The following PLXND1 variants were observed in gnomAD, a reference collection of about 807,000 sequenced individuals.
PLXND1 encodes plexin-D1.
PLXND1 carries 54 observed loss-of-function variants against 197.7 expected under a neutral mutation model. The ratio of observed to expected loss-of-function variants is 0.27; its 90% CI spans 0.22 to 0.34. The LOEUF (loss-of-function observed/expected upper bound fraction) is 0.34, where lower values mean the gene tolerates loss of function less well. Ranked by LOEUF, PLXND1 falls within the 10% of genes least tolerant of loss-of-function variation. The probability of loss-of-function intolerance (pLI) is 1.00; values close to 1 mark genes in which losing one functional copy is unlikely to be tolerated. For missense variants in PLXND1, 2,127 were observed against 2,699.2 expected, an observed-to-expected ratio of 0.79 and a Z score of 4.70; for synonymous variants, 1,180 against 1,161.2, an observed-to-expected ratio of 1.02 and a Z score of -0.33.
At chr3:129,564,158 C>A (rs1402566679) in intron 25 of PLXND1, among the ~76,000 whole-genome samples, 3 of 152,232 alleles carry the variant, frequency 2.0e-5, no homozygotes, top group Non-Finnish European at 4.4e-5. Context: ...TGGCCCCTCC[C>A]AGGCCCTGCC....
intron 24 of PLXND1, among the ~76,000 whole-genome samples, 171 bp from the exon 25 acceptor site, chr3:129,565,709 T>C (rs1322478933): frequency 2.0e-5 from 3 of 152,168 alleles, no homozygotes; most frequent in Admixed American, 2.0e-4. Context: ...AGCCACCTTC[T>C]TCTACGTCCA....
chr3:129,589,331 A>G lies in PLXND1; in HGVS notation c.1488+20T>C. 1 of 489,474 alleles carries G rather than the reference A, an allele frequency of 2.0e-6. No individual in the cohort carries two copies. Among genetic ancestry groups the G allele is most frequent in the Non-Finnish European group, 3.3e-6 (1 of 306,482 alleles). The allele number at this position is 489,474 out of a possible 1,614,324, so 30.3% of individuals were successfully genotyped here. On this transcript the variant is annotated intron_variant, in intron 2 of 35. Transcript: ENST00000324093. ...AGCCTCCCACCCCCACCCCCTCCCC[A>G]CATCCCCAACCATACCTACCTTGAG...
At chr3:129,586,933 C>T (rs1172499653) in intron 2 of PLXND1, among the ~76,000 whole-genome samples, 1 of 152,216 alleles carries the variant, frequency 6.6e-6, no homozygotes, top group African/African-American at 2.4e-5. Flanking sequence ...TCCTTCTGGG[C>T]TCGTCTCCAA....
rs1247853284 is a variant in PLXND1, at chr3:129,565,361, G to A, written c.4500C>T (p.Ile1500=). The change falls in exon 25 of 36, where the codon ATC becomes ATT. Residue 1500 remains isoleucine (I), a synonymous_variant. Coordinates refer to ENST00000324093, the MANE Select transcript of PLXND1 (RefSeq NM_015103.3). ...VEKMLTNWMS[I]CMYSCLRETV... ...TCACCCGCAGACAGCTGTACATGCA[G>A]ATGGACATCCAGTTGGTGAGCATCT... 2 of 1,613,960 alleles carry A rather than the reference G, an allele frequency of 1.2e-6. No homozygotes were observed. Among genetic ancestry groups the A allele is most frequent in the South Asian group, 1.1e-5 (1 of 91,086 alleles).
chr3:129,599,251 C>T (rs188088992), intron 1 of PLXND1, among the ~76,000 whole-genome samples: 3 of 152,348 alleles, frequency 2.0e-5, no homozygotes, highest in Admixed American at 6.5e-5. Flanking sequence ...TTGCAGAGGG[C>T]GTTTCTGCCG....
At position 129,561,796 on chromosome 3, in the gene PLXND1, G is replaced by T. The variant is rs1426533055; in HGVS notation, c.4929+4C>A. The T allele has an allele frequency of 6.2e-7, 1 of 1,607,420 alleles. No homozygotes were observed. Among genetic ancestry groups the T allele is most frequent in the East Asian group, 2.2e-5 (1 of 44,848 alleles). On this transcript the variant is annotated splice_donor_region_variant and intron_variant, in intron 28 of 35. Coordinates refer to ENST00000324093, the MANE Select transcript of PLXND1 (RefSeq NM_015103.3). ...GGAAATGGGGGCGGGGGGCAGGGCT[G>T]CACCTTGTAATGGGCCAGCGTGTTA...
chr3:129,588,193 G>A (rs753262518), intron 2 of PLXND1, among the ~76,000 whole-genome samples: 7 of 152,234 alleles, frequency 4.6e-5, no homozygotes, highest in South Asian at 2.1e-4. Context: ...CCTGCTGTGC[G>A]ACTCTGGGGC....
intron 8 of PLXND1, among the ~76,000 whole-genome samples, chr3:129,581,815 C>A (rs1209406944): frequency 3.9e-5 from 6 of 152,226 alleles, no homozygotes; most frequent in Non-Finnish European, 8.8e-5. Flanking sequence ...TCAATAAATG[C>A]TGAACGGACT....
At chr3:129,576,608 C>T (rs989054550) in intron 9 of PLXND1, among the ~76,000 whole-genome samples, 1 of 152,200 alleles carries the variant, frequency 6.6e-6, no homozygotes, top group Non-Finnish European at 1.5e-5. Context: ...CCCCCAAGGG[C>T]AGCAGAAAGC....
At chr3:129,601,845 C>T (rs1326517222) in intron 1 of PLXND1, among the ~76,000 whole-genome samples, 2 of 152,228 alleles carry the variant, frequency 1.3e-5, no homozygotes, top group African/African-American at 4.8e-5. Context: ...CTCAGCACTG[C>T]TGCAGACCAG....
chr3:129,586,546 G>A (rs370729003), intron 3 of PLXND1, 42 bp downstream of exon 3: 53 of 1,554,734 alleles, frequency 3.4e-5, no homozygotes, highest in African/African-American at 1.1e-4. Context: ...AAGAGGGCTC[G>A]GCTGGTGCTG....
At chr3:129,578,794 T>C (rs1560072216) in intron 8 of PLXND1, among the ~76,000 whole-genome samples, 1 of 151,984 alleles carries the variant, frequency 6.6e-6, no homozygotes, top group Non-Finnish European at 1.5e-5. Context: ...TTCCCAATAG[T>C]AGAACAGGGG....
intron 8 of PLXND1, among the ~76,000 whole-genome samples, chr3:129,583,102 T>C (rs79187531): frequency 6.6e-6 from 1 of 152,120 alleles, no homozygotes; most frequent in Non-Finnish European, 1.5e-5. Flanking sequence ...GGGACTTGGG[T>C]TAAGGCCCAA....
At chr3:129,582,503 G>A (rs1284505616) in intron 8 of PLXND1, among the ~76,000 whole-genome samples, 1 of 152,228 alleles carries the variant, frequency 6.6e-6, no homozygotes, top group Non-Finnish European at 1.5e-5. Context: ...CAGGAAGGCT[G>A]GTGCCCTACC....
chr3:129,571,945 G>T, intron 15 of PLXND1, 101 bp from the exon 16 acceptor site: 1 of 1,106,570 alleles, frequency 9.0e-7, no homozygotes, highest in Non-Finnish European at 1.3e-6. Flanking sequence ...CTTGGCCTGG[G>T]GTTCAAGGCC....
chr3:129,574,149 C>T (rs2085276298), intron 12 of PLXND1, among the ~76,000 whole-genome samples, 187 bp downstream of exon 12: 1 of 152,234 alleles, frequency 6.6e-6, no homozygotes, highest in South Asian at 2.1e-4. Flanking sequence ...TTATTTATTA[C>T]TGTCCACCTC....
intron 1 of PLXND1, among the ~76,000 whole-genome samples, chr3:129,601,549 C>T (rs2085708712): frequency 6.6e-6 from 1 of 152,190 alleles, no homozygotes; most frequent in African/African-American, 2.4e-5. Context: ...GGGTCCTGCC[C>T]CATGTGCAGC....
At chr3:129,584,015 C>T (rs2085421646) in intron 7 of PLXND1, 110 bp downstream of exon 7, 1 of 706,340 alleles carries the variant, frequency 1.4e-6, no homozygotes, top group African/African-American at 1.8e-5. Context: ...GGCCTGTCTA[C>T]CTCTACGATG....
chr3:129,576,201 C>T (rs1249731161), intron 9 of PLXND1, among the ~76,000 whole-genome samples: 1 of 152,230 alleles, frequency 6.6e-6, no homozygotes, highest in Non-Finnish European at 1.5e-5. Flanking sequence ...GCCTTCCCAC[C>T]TCCCATCCTG....
Sources: gnomAD v4.1 joint callset for allele counts (sites outside exome capture counted in the v4.1 genomes callset) on GRCh38, gnomAD v4.1.1 for gene constraint, MANE v1.5 for transcripts, NCBI Gene and HGNC (gene_info 2026-07-23, HGNC 2026-07-21) for gene names.